ADORA2B: variants seen among roughly 807,000 people sequenced by gnomAD.
ADORA2B encodes the protein adenosine receptor A2b.
ADORA2B carries 18 observed loss-of-function variants against 20.8 expected under a neutral mutation model. That is an observed-to-expected ratio of 0.87 (90% confidence interval 0.60 to 1.29). The LOEUF (loss-of-function observed/expected upper bound fraction) is 1.29. Ranked by LOEUF, ADORA2B falls within the 50% of genes most tolerant of loss-of-function variation. ADORA2B has a pLI of 0.00. For synonymous variants in ADORA2B, 179 were observed against 178.3 expected (o/e 1.00, Z -0.03); for missense variants, 441 against 422.7 (o/e 1.04, Z -0.38).
intron 1 of ADORA2B, among the ~76,000 whole-genome samples, chr17:15,959,593 T>G (rs1162637691): frequency 6.7e-6 from 1 of 149,648 alleles, no homozygotes; most frequent in Admixed American, 6.8e-5. Flanking sequence ...CTCCGCCTCC[T>G]GGGTCCAAGT....
chr17:15,921,733 TA>T, the ADORA2B span, among the ~76,000 whole-genome samples: 2 of 151,782 alleles, frequency 1.3e-5, no homozygotes, highest in South Asian at 4.2e-4. Flanking sequence ...AGTCCAGAGG[TA>T]AAACTTCCAA....
the ADORA2B span, among the ~76,000 whole-genome samples, chr17:15,928,811 G>A: frequency 2.0e-5 from 3 of 152,100 alleles, no homozygotes; most frequent in Non-Finnish European, 4.4e-5. Context: ...AGTGTCTGGC[G>A]ACAGAAGGAC....
At chr17:15,936,553 C>T in the ADORA2B span, among the ~76,000 whole-genome samples, 3 of 152,268 alleles carry the variant, frequency 2.0e-5, no homozygotes, top group East Asian at 3.9e-4. Flanking sequence ...CTCCTGACCT[C>T]AGGTGATCCA....
chr17:15,857,399 T>G, the ADORA2B span, among the ~76,000 whole-genome samples: 2 of 152,206 alleles, frequency 1.3e-5, no homozygotes, highest in Non-Finnish European at 2.9e-5. Flanking sequence ...CCTGGGGCAC[T>G]GCCTAGTGGA....
the ADORA2B span, among the ~76,000 whole-genome samples, chr17:15,852,427 A>T: frequency 3.9e-5 from 6 of 152,324 alleles, no homozygotes; most frequent in East Asian, 1.2e-3. Context: ...CTTTGAAGGA[A>T]GATTACATCA....
the ADORA2B span, among the ~76,000 whole-genome samples, chr17:15,876,799 C>T: frequency 6.6e-6 from 1 of 152,082 alleles, no homozygotes; most frequent in East Asian, 1.9e-4. Context: ...CCATCTGAAC[C>T]ATTTTTAAGT....
the ADORA2B span, among the ~76,000 whole-genome samples, chr17:15,910,302 CTT>C: frequency 4.1e-5 from 6 of 145,004 alleles, no homozygotes; most frequent in Non-Finnish European, 4.6e-5. Context: ...AATACGTAAA[CTT>C]TTTTTTTTTT....
intron 1 of ADORA2B, among the ~76,000 whole-genome samples, chr17:15,966,276 G>A (rs1474367020): frequency 2.0e-5 from 3 of 152,238 alleles, no homozygotes; most frequent in Admixed American, 2.0e-4. Context: ...CATTTCTAAA[G>A]TGCTTTGTAC....
the ADORA2B span, among the ~76,000 whole-genome samples, chr17:15,874,540 A>G: frequency 1.0e-3 from 152 of 151,984 alleles, no homozygotes; most frequent in Non-Finnish European, 1.9e-3. Flanking sequence ...AAAAAAATAA[A>G]TAATAAGCAG....
rs1225430587 is a variant in ADORA2B at position 15,974,911 on chromosome 17, T to G, written c.568T>G (p.Cys190Gly). 4 of 1,614,100 alleles carry G rather than the reference T, an allele frequency of 2.5e-6. No homozygotes were observed. Among genetic ancestry groups the G allele is most frequent in the Non-Finnish European group, 3.4e-6 (4 of 1,179,992 alleles). The change falls in exon 2 of 2, where the codon TGT (cysteine) becomes GGT (glycine). Residue 190 changes from cysteine (C) to glycine (G), a missense_variant. Physicochemically the swap from Cys to Gly is radical, Grantham distance 159 (BLOSUM62 -3). Transcript: ENST00000304222. Reference protein sequence around the residue: ...SYMVYFNFFGCVLPPLLIMLV... With the variant: ...SYMVYFNFFGGVLPPLLIMLV... Reference sequence around the variant, plus strand: ...CATGGTATATTTCAATTTCTTTGGGTGTGTTCTGCCCCCACTGCTTATAAT... The same window carrying G: ...CATGGTATATTTCAATTTCTTTGGGGGTGTTCTGCCCCCACTGCTTATAAT...
the ADORA2B span, among the ~76,000 whole-genome samples, chr17:15,914,507 TA>T: frequency 5.3e-4 from 80 of 151,922 alleles, no homozygotes; most frequent in Non-Finnish European, 1.0e-3. Flanking sequence ...GCCCAGCTGT[TA>T]AAAAAAACAG....
At chr17:15,856,977 A>G in the ADORA2B span, among the ~76,000 whole-genome samples, 1 of 152,178 alleles carries the variant, frequency 6.6e-6, no homozygotes, top group African/African-American at 2.4e-5. Flanking sequence ...AGGACATGTC[A>G]GAGATCTTGG....
At chr17:15,877,744 T>A in the ADORA2B span, among the ~76,000 whole-genome samples, 6 of 152,118 alleles carry the variant, frequency 3.9e-5, no homozygotes, top group East Asian at 1.9e-4. Context: ...TTGGCTGCTC[T>A]GTGAACACAT....
chr17:15,904,782 G>A, the ADORA2B span, among the ~76,000 whole-genome samples: 1 of 152,078 alleles, frequency 6.6e-6, no homozygotes, highest in Admixed American at 6.5e-5. Context: ...TTGCATATGG[G>A]CATCCAGTTA....
chr17:15,967,754 T>C (rs11868890), intron 1 of ADORA2B, among the ~76,000 whole-genome samples: 8,417 of 152,226 alleles, frequency 0.055, 679 homozygotes, highest in African/African-American at 0.18. Flanking sequence ...ATGCCCTCCT[T>C]GGGTGCACCA....
the ADORA2B span, among the ~76,000 whole-genome samples, chr17:15,861,738 C>T: frequency 6.6e-6 from 1 of 152,176 alleles, no homozygotes; most frequent in African/African-American, 2.4e-5. Context: ...CCTCTGTCAC[C>T]TCCTCCCTTT....
At chr17:15,857,968 A>G in the ADORA2B span, among the ~76,000 whole-genome samples, 1 of 145,826 alleles carries the variant, frequency 6.9e-6, no homozygotes, top group African/African-American at 2.5e-5. Flanking sequence ...ATAATATTCC[A>G]TTGTATATTA....
the ADORA2B span, among the ~76,000 whole-genome samples, chr17:15,873,777 G>A: frequency 1.3e-5 from 2 of 152,052 alleles, no homozygotes; most frequent in African/African-American, 4.8e-5. Context: ...AAAAGGGAAC[G>A]CTTATACACT....
At chr17:15,963,319 A>G (rs1657245190) in intron 1 of ADORA2B, among the ~76,000 whole-genome samples, 1 of 152,222 alleles carries the variant, frequency 6.6e-6, no homozygotes, top group Non-Finnish European at 1.5e-5. Flanking sequence ...ACGTACCACA[A>G]GATACCTGCT....
Sources: gnomAD v4.1 joint callset for allele counts (sites outside exome capture counted in the v4.1 genomes callset) on GRCh38, gnomAD v4.1.1 for gene constraint, MANE v1.5 for transcripts, NCBI Gene and HGNC (gene_info 2026-07-23, HGNC 2026-07-21) for gene names.